Variants in HPSE2 observed in about 807,000 individuals in gnomAD.
HPSE2 encodes the protein inactive heparanase-2.
Under a neutral mutation model 60.5 loss-of-function variants are expected in HPSE2, and 38 were observed. The observed-to-expected ratio is 0.63, with a 90% CI of 0.48 to 0.82. The LOEUF is 0.82. Among genes scored for constraint, HPSE2 ranks in the 40% least tolerant of loss-of-function variants. The pLI is 0.00. For synonymous variants in HPSE2, 295 were observed against 293.2 expected, an observed-to-expected ratio of 1.01 and a Z score of -0.06; for missense variants, 713 against 740.4, an observed-to-expected ratio of 0.96 and a Z score of 0.43.
At chr10:98,543,193 A>C (rs528024808) in intron 9 of HPSE2, among the ~76,000 whole-genome samples, 1 of 152,222 alleles carries the variant, frequency 6.6e-6, no homozygotes, top group African/African-American at 2.4e-5. Context: ...TAAAGAAAAG[A>C]ATTTTCAATC....
intron 11 of HPSE2, among the ~76,000 whole-genome samples, chr10:98,463,090 T>C (rs977860605): frequency 1.3e-5 from 2 of 152,154 alleles, no homozygotes; most frequent in Non-Finnish European, 2.9e-5. Context: ...TAATTCGACC[T>C]TATAGTGTTT....
intron 9 of HPSE2, among the ~76,000 whole-genome samples, chr10:98,540,204 G>T (rs1310982396): frequency 3.9e-5 from 6 of 152,238 alleles, no homozygotes; most frequent in Admixed American, 3.9e-4. Flanking sequence ...GAATAAATGT[G>T]TTGCCTGAAG....
intron 2 of HPSE2, among the ~76,000 whole-genome samples, chr10:99,180,418 A>G (rs949034535): frequency 6.6e-6 from 1 of 152,234 alleles, no homozygotes; most frequent in Admixed American, 6.5e-5. Flanking sequence ...CAAGAAAAAA[A>G]CAACCCCATC....
the HPSE2 span, among the ~76,000 whole-genome samples, chr10:99,250,594 C>T: frequency 1.8e-4 from 28 of 152,230 alleles, no homozygotes; most frequent in African/African-American, 6.3e-4. Flanking sequence ...AGGTCGACCA[C>T]GTGCTAGGCC....
At chr10:98,489,639 A>C (rs1941568462) in intron 10 of HPSE2, among the ~76,000 whole-genome samples, 1 of 152,222 alleles carries the variant, frequency 6.6e-6, no homozygotes, top group South Asian at 2.1e-4. Flanking sequence ...CATGCATCTT[A>C]GAAAGGGAGA....
chr10:98,525,018 T>C (rs982596460), intron 9 of HPSE2, among the ~76,000 whole-genome samples: 5 of 152,204 alleles, frequency 3.3e-5, no homozygotes, highest in African/African-American at 1.2e-4. Context: ...ATGGCACATT[T>C]ATTTATTTAC....
rs112579935 is a variant in HPSE2, at chr10:98,795,095, G to A, written c.611-51039C>T. On this transcript the variant is annotated intron_variant, in intron 3 of 11. Transcript: ENST00000370552. ...AGGAAGGAAGGAAAGAAGGAAAGAA[G>A]GAAAGGGCAAGATGGAAGAATAGAA... Among the ~76,000 whole-genome samples, 1,357 of 151,130 alleles carry A rather than the reference G, an allele frequency of 9.0e-3. 27 individuals are homozygous for A. The highest frequency in any genetic ancestry group is 0.032 in the African/African-American group (1,295 of 41,028).
Position 99,102,847 on chromosome 10 carries a change from T to C in HPSE2, c.610+41391A>G, listed in dbSNP as rs184584251. Among the ~76,000 whole-genome samples, 195 of 152,308 alleles carry C rather than the reference T, an allele frequency of 1.3e-3. 2 individuals carry two copies. The highest frequency in any genetic ancestry group is 2.0e-3 in the Non-Finnish European group (138 of 68,034). On this transcript the variant is annotated intron_variant, in intron 3 of 11. Transcript: ENST00000370552. ...TTCAACATATGCAAATCAATAAATG[T>C]AATCCATCATATAAACAGAACCAAA...
At chr10:99,065,735 AC>A (rs1474450403) in intron 3 of HPSE2, among the ~76,000 whole-genome samples, 1 of 152,216 alleles carries the variant, frequency 6.6e-6, no homozygotes, top group African/African-American at 2.4e-5. Flanking sequence ...CATTAACCAG[AC>A]AAAAGTGGGT....
intron 9 of HPSE2, among the ~76,000 whole-genome samples, chr10:98,522,631 T>C (rs1393509248): frequency 6.6e-6 from 1 of 152,128 alleles, no homozygotes; most frequent in African/African-American, 2.4e-5. Flanking sequence ...CCCACCACAA[T>C]GCCCGGCTAA....
intron 3 of HPSE2, among the ~76,000 whole-genome samples, chr10:98,884,039 A>C (rs1421449338): frequency 1.3e-5 from 2 of 152,148 alleles, no homozygotes; most frequent in Admixed American, 1.3e-4. Context: ...GTGAACACAG[A>C]AGTTATAAGA....
intron 9 of HPSE2, among the ~76,000 whole-genome samples, chr10:98,502,958 T>C (rs1427115390): frequency 2.6e-5 from 4 of 152,184 alleles, no homozygotes; most frequent in Non-Finnish European, 5.9e-5. Context: ...ACGCCTGTAA[T>C]CCCAGCAGTT....
intron 3 of HPSE2, among the ~76,000 whole-genome samples, chr10:98,939,206 T>C (rs1363068726): frequency 7.0e-6 from 1 of 143,746 alleles, no homozygotes; most frequent in Non-Finnish European, 1.5e-5. Context: ...GCTAACATCA[T>C]AATGACAGGA....
At chr10:99,203,173 C>T (rs962384923) in intron 2 of HPSE2, among the ~76,000 whole-genome samples, 2 of 152,080 alleles carry the variant, frequency 1.3e-5, no homozygotes, top group Non-Finnish European at 2.9e-5. Context: ...TCAGCACTAG[C>T]CTGGCCCAAC....
intron 9 of HPSE2, among the ~76,000 whole-genome samples, chr10:98,580,836 A>ATATATATATATGTGTGTG: frequency 4.2e-5 from 5 of 119,558 alleles, no homozygotes; most frequent in Non-Finnish European, 8.6e-5. Context: ...ATATATATAT[A>ATATATATATATGTGTGTG]TGTGTGTGTG....
chr10:98,651,896 C>T (rs1012620203), intron 6 of HPSE2, among the ~76,000 whole-genome samples: 2 of 151,906 alleles, frequency 1.3e-5, no homozygotes, highest in Non-Finnish European at 2.9e-5. Context: ...CTCAGCCTCC[C>T]GAGTGGCTGG....
intron 3 of HPSE2, among the ~76,000 whole-genome samples, chr10:98,897,342 G>T (rs575289405): frequency 6.6e-6 from 1 of 151,940 alleles, no homozygotes; most frequent in South Asian, 2.1e-4. Flanking sequence ...AAATAAAATA[G>T]AAAAATAAAG....
chr10:98,856,665 A>G (rs1466380971), intron 3 of HPSE2, among the ~76,000 whole-genome samples: 3 of 152,328 alleles, frequency 2.0e-5, no homozygotes, highest in East Asian at 3.9e-4. Context: ...CTGTACAACA[A>G]TCTGAATGTA....
At chr10:99,052,702 A>T (rs1031490748) in intron 3 of HPSE2, among the ~76,000 whole-genome samples, 1 of 152,166 alleles carries the variant, frequency 6.6e-6, no homozygotes, top group Non-Finnish European at 1.5e-5. Context: ...AGGAGGAATG[A>T]TGCAAAGGAA....
Sources: allele counts gnomAD v4.1 joint callset (sites outside exome capture counted in the v4.1 genomes callset), GRCh38; gene constraint gnomAD v4.1.1; transcripts MANE v1.5; gene names NCBI Gene and HGNC (gene_info 2026-07-23, HGNC 2026-07-21).